Variants in STOX2 observed in about 807,000 individuals in gnomAD.
STOX2 encodes storkhead box 2.
In STOX2, 28 loss-of-function variants were observed where a neutral mutation model predicts 60.9. That is an observed-to-expected ratio of 0.46 (90% CI 0.34 to 0.63). The LOEUF (loss-of-function observed/expected upper bound fraction) is 0.63. Among genes scored for constraint, STOX2 ranks in the 30% least tolerant of loss-of-function variants. The pLI, the probability that STOX2 is intolerant of heterozygous loss-of-function variation, is 0.01. For missense variants in STOX2, 1,024 were observed against 1,187.7 expected (o/e 0.86, Z 2.03); for synonymous variants, 472 against 463.9 (o/e 1.02, Z -0.22).
intron 1 of STOX2, among the ~76,000 whole-genome samples, chr4:183,843,615 C>T (rs758433773): frequency 6.6e-6 from 1 of 152,164 alleles, no homozygotes; most frequent in Admixed American, 6.5e-5. Flanking sequence ...ATCGCATGAG[C>T]GTGGCTGTGT....
chr4:183,987,462 T>A (rs1006642670), intron 1 of STOX2, among the ~76,000 whole-genome samples: 1 of 152,158 alleles, frequency 6.6e-6, no homozygotes, highest in African/African-American at 2.4e-5. Context: ...TTTATGCAGA[T>A]ACGTGATTCA....
At position 183,806,165 on chromosome 4, in the gene STOX2, A is replaced by T. The variant is rs964931262; in HGVS notation, c.364+8110A>T. 1.3e-5 allele frequency among the ~76,000 whole-genome samples: 2 copies of T among 152,228 alleles called. No homozygotes were observed. Among genetic ancestry groups the T allele is most frequent in the Admixed American group, 1.3e-4 (2 of 15,282 alleles). On this transcript the variant is annotated intron_variant, in intron 1 of 2. Coordinates refer to the STOX2 transcript ENST00000513034. This position sits in a 1 kb window ranked among gnomAD's most constrained non-coding sequence, Gnocchi z 4.1. ...TGCTGTAGATTTCACTCTGAAGATG[A>T]AAATAAACACGATTAAAGACTCCAT...
intron 1 of STOX2, among the ~76,000 whole-genome samples, chr4:183,998,060 GT>G: frequency 6.6e-6 from 1 of 152,298 alleles, no homozygotes; most frequent in Admixed American, 6.5e-5. Flanking sequence ...GAGAGTTCGA[GT>G]TTCCTCTTAT....
intron 3 of STOX2, chr4:184,014,689 T>A (rs1175001410): frequency 2.0e-5 from 3 of 152,236 alleles, no homozygotes; most frequent in Non-Finnish European, 2.9e-5. Context: ...AGCTTGAATG[T>A]CACAGACTGT....
At chr4:183,947,423 C>G in intron 1 of STOX2, among the ~76,000 whole-genome samples, 1 of 152,214 alleles carries the variant, frequency 6.6e-6, no homozygotes, top group East Asian at 1.9e-4. Flanking sequence ...TGGGGCTGTC[C>G]TTTGCTTCTC....
At chr4:183,831,279 G>GA (rs1373918695) in intron 1 of STOX2, among the ~76,000 whole-genome samples, 1 of 152,184 alleles carries the variant, frequency 6.6e-6, no homozygotes, top group East Asian at 1.9e-4. Flanking sequence ...CACATGTAAG[G>GA]AAAATTGTGG....
At chr4:183,989,877 G>A (rs1733023482) in intron 1 of STOX2, among the ~76,000 whole-genome samples, 1 of 152,124 alleles carries the variant, frequency 6.6e-6, no homozygotes, top group Non-Finnish European at 1.5e-5. Flanking sequence ...CTCATCACAT[G>A]GATGGTTTCA....
chr4:183,969,085 C>T (rs1044326310), intron 1 of STOX2, among the ~76,000 whole-genome samples: 4 of 152,188 alleles, frequency 2.6e-5, no homozygotes, highest in Non-Finnish European at 5.9e-5. Flanking sequence ...TTTGCTGTTC[C>T]TGTGAGAATT....
intron 3 of STOX2, chr4:184,014,191 T>TTAGA (rs1477173262): frequency 6.6e-6 from 1 of 151,340 alleles, no homozygotes; most frequent in Non-Finnish European, 1.5e-5. Context: ...CAGTGCTGGC[T>TTAGA]TAGAAGTCAT....
chr4:183,940,059 C>T (rs925404796), intron 1 of STOX2, among the ~76,000 whole-genome samples: 5 of 152,222 alleles, frequency 3.3e-5, no homozygotes, highest in African/African-American at 1.2e-4. Flanking sequence ...TCCGCCACCA[C>T]ACCCAGCTAA....
At chr4:183,876,555 G>A (rs78932922) in intron 1 of STOX2, among the ~76,000 whole-genome samples, 2,004 of 152,342 alleles carry the variant, frequency 0.013, 21 homozygotes, top group Non-Finnish European at 0.02. Flanking sequence ...GTTGAGCCGG[G>A]ATGGCAAGGA....
chr4:183,937,879 G>A (rs75890244), intron 1 of STOX2, among the ~76,000 whole-genome samples: 7,483 of 152,266 alleles, frequency 0.049, 254 homozygotes, highest in Non-Finnish European at 0.074. Flanking sequence ...CTGGCTGGGT[G>A]CTCATGCCTG....
rs1167902676 is a variant in STOX2, at chr4:183,821,603, T to A, written c.364+23548T>A. ...TCACTGGGGTTGGGCCTGAGGCCTCTTTGGGAGGCTGGCAGGCAGGTAGGC... is the reference window on the plus strand; with the variant it reads ...TCACTGGGGTTGGGCCTGAGGCCTCATTGGGAGGCTGGCAGGCAGGTAGGC... On this transcript the variant is annotated intron_variant, in intron 1 of 2. Transcript: ENST00000513034. This position sits in a 1 kb window ranked among gnomAD's most constrained non-coding sequence, Gnocchi z 4.2. Among the ~76,000 whole-genome samples the A allele has an allele frequency of 6.6e-6, 1 of 152,240 alleles. No homozygotes were observed. Among genetic ancestry groups the A allele is most frequent in the Non-Finnish European group, 1.5e-5 (1 of 68,030 alleles).
intron 1 of STOX2, among the ~76,000 whole-genome samples, chr4:183,831,285 T>C (rs1173249348): frequency 1.3e-5 from 2 of 152,208 alleles, no homozygotes; most frequent in African/African-American, 4.8e-5. Context: ...TAAGGAAAAT[T>C]GTGGCAGGAA....
At chr4:183,947,002 A>G (rs1742912004) in intron 1 of STOX2, among the ~76,000 whole-genome samples, 1 of 151,970 alleles carries the variant, frequency 6.6e-6, no homozygotes, top group Admixed American at 6.6e-5. Context: ...TATATGTAGG[A>G]TGTGGGTAAG....
At chr4:183,917,154 G>A (rs1349910308) in intron 1 of STOX2, among the ~76,000 whole-genome samples, 3 of 152,232 alleles carry the variant, frequency 2.0e-5, no homozygotes, top group Non-Finnish European at 4.4e-5. Context: ...ACATGGTCTT[G>A]CTGGCATTCC....
At chr4:183,898,734 T>C (rs1042518701) in intron 1 of STOX2, among the ~76,000 whole-genome samples, 1 of 149,830 alleles carries the variant, frequency 6.7e-6, no homozygotes, top group Non-Finnish European at 1.5e-5. Context: ...GAGGGAAGAG[T>C]TTTAAGGGGA....
At chr4:183,838,142 A>G (rs1399384656) in intron 1 of STOX2, among the ~76,000 whole-genome samples, 1 of 151,256 alleles carries the variant, frequency 6.6e-6, no homozygotes, top group Non-Finnish European at 1.5e-5. Context: ...AAATATATTG[A>G]CTAGATTTTT....
At chr4:183,894,587 G>A (rs1741299934) in intron 1 of STOX2, among the ~76,000 whole-genome samples, 2 of 151,596 alleles carry the variant, frequency 1.3e-5, no homozygotes, top group Non-Finnish European at 2.9e-5. Flanking sequence ...ATTTGATAAA[G>A]CAGGAAACTA....
Sources: gnomAD v4.1 joint callset for allele counts (sites outside exome capture counted in the v4.1 genomes callset) on GRCh38, gnomAD v4.1.1 for gene constraint, Gnocchi (gnomAD v3.1) non-coding constraint, MANE v1.5 for transcripts, NCBI Gene and HGNC (gene_info 2026-07-23, HGNC 2026-07-21) for gene names.